Variants in ZFHX3 observed in about 807,000 individuals in gnomAD.
The protein encoded by ZFHX3 is zinc finger homeobox 3.
ZFHX3 carries 42 observed loss-of-function variants against 279.1 expected under a neutral mutation model. That is an observed-to-expected ratio of 0.15 (90% CI 0.12 to 0.19). The LOEUF (loss-of-function observed/expected upper bound fraction) is 0.19. Ranked by LOEUF, ZFHX3 falls within the 10% of genes least tolerant of loss-of-function variation. The probability of loss-of-function intolerance (pLI) is 1.00; values close to 1 mark genes in which losing one functional copy is unlikely to be tolerated. For synonymous variants in ZFHX3, 2,293 were observed against 1,957.8 expected (o/e 1.17, Z -4.52); for missense variants, 4,981 against 4,754.0 (o/e 1.05, Z -1.40).
At chr16:73,672,532 C>T (rs942244777) in intron 2 of ZFHX3, among the ~76,000 whole-genome samples, 4 of 152,054 alleles carry the variant, frequency 2.6e-5, no homozygotes, top group African/African-American at 9.7e-5. Flanking sequence ...CCCTTCCAAA[C>T]TCAGAGCCAA....
At chr16:72,966,612 G>A (rs1190344860) in intron 1 of ZFHX3, among the ~76,000 whole-genome samples, 2 of 152,200 alleles carry the variant, frequency 1.3e-5, no homozygotes, top group African/African-American at 4.8e-5. Context: ...TCTCCTAAGA[G>A]AGATACCAAC....
chr16:72,797,435 C>G lies in ZFHX3; in HGVS notation c.5247G>C (p.Gln1749His). The G allele has an allele frequency of 6.2e-7, 1 of 1,613,262 alleles. No individual in the cohort carries two copies. Among genetic ancestry groups the G allele is most frequent in the South Asian group, 1.1e-5 (1 of 90,744 alleles). The change falls in exon 9 of 10, where the codon CAG becomes CAC. Residue 1749 changes from glutamine (Q) to histidine (H), a missense_variant. Physicochemically the swap from Gln to His is conservative, Grantham distance 24. Coordinates refer to ENST00000268489, the MANE Select transcript of ZFHX3 (RefSeq NM_006885.4). ...GCTGCAGGTGAGCTTGAACTTGAGCCTGGGCCTGGGCCAGCGTTTGTGCTT... is the reference window on the plus strand; with the variant it reads ...GCTGCAGGTGAGCTTGAACTTGAGCGTGGGCCTGGGCCAGCGTTTGTGCTT... The part of the protein sequence containing the change: ...QQQAQTLAQA[Q>H]AQVQAHLQQE...
At chr16:73,516,431 C>A (rs2019523511) in intron 2 of ZFHX3, among the ~76,000 whole-genome samples, 1 of 152,132 alleles carries the variant, frequency 6.6e-6, no homozygotes, top group Non-Finnish European at 1.5e-5. Flanking sequence ...AAAGTTTATC[C>A]ACTTTACCTT....
chr16:73,038,210 C>G (rs1203149619), intron 1 of ZFHX3, among the ~76,000 whole-genome samples: 1 of 152,138 alleles, frequency 6.6e-6, no homozygotes, highest in Admixed American at 6.5e-5. Flanking sequence ...ACGGGGCCCT[C>G]GGGATATTGA....
intron 3 of ZFHX3, among the ~76,000 whole-genome samples, chr16:73,377,965 G>A (rs1355325878): frequency 2.2e-5 from 3 of 138,566 alleles, no homozygotes; most frequent in Non-Finnish European, 4.6e-5. Context: ...CCCGGGAGGC[G>A]GAGCTTGCAG....
intron 2 of ZFHX3, among the ~76,000 whole-genome samples, chr16:73,559,296 C>A (rs950119347): frequency 6.6e-6 from 1 of 152,140 alleles, no homozygotes; most frequent in African/African-American, 2.4e-5. Context: ...GATCTTCCTG[C>A]CTCGGCCTCC....
chr16:73,134,852 C>T (rs1354730153), intron 6 of ZFHX3, among the ~76,000 whole-genome samples: 1 of 152,070 alleles, frequency 6.6e-6, no homozygotes, highest in African/African-American at 2.4e-5. Flanking sequence ...TTTTAGAAGT[C>T]ATCATGTGAT....
At chr16:73,393,127 G>C (rs570954146) in intron 3 of ZFHX3, among the ~76,000 whole-genome samples, 1 of 152,176 alleles carries the variant, frequency 6.6e-6, no homozygotes, top group Non-Finnish European at 1.5e-5. Context: ...GAGCCACCAT[G>C]CCTGGCCAGG....
intron 1 of ZFHX3, among the ~76,000 whole-genome samples, chr16:72,964,949 C>G (rs989519357): frequency 1.3e-5 from 2 of 152,130 alleles, no homozygotes; most frequent in Non-Finnish European, 2.9e-5. Flanking sequence ...GCGATCTCAG[C>G]TCACTGCAAC....
At chr16:72,975,259 T>C (rs1021938949) in intron 1 of ZFHX3, among the ~76,000 whole-genome samples, 3 of 152,040 alleles carry the variant, frequency 2.0e-5, no homozygotes, top group Non-Finnish European at 2.9e-5. Context: ...CTGGCCAACA[T>C]AGTGAAACAC....
intron 4 of ZFHX3, among the ~76,000 whole-genome samples, chr16:73,277,656 A>G (rs1301265360): frequency 2.0e-5 from 3 of 152,132 alleles, no homozygotes; most frequent in African/African-American, 7.2e-5. Flanking sequence ...TTTCTGATTC[A>G]CTCATCTTTG....
intron 1 of ZFHX3, among the ~76,000 whole-genome samples, chr16:73,727,235 T>C (rs2639315): frequency 2.6e-5 from 4 of 152,138 alleles, no homozygotes; most frequent in African/African-American, 9.7e-5. Flanking sequence ...GCTGCACAAC[T>C]GGGGCCCCCC....
At chr16:73,725,933 A>C (rs1220245276) in intron 1 of ZFHX3, among the ~76,000 whole-genome samples, 1 of 152,148 alleles carries the variant, frequency 6.6e-6, no homozygotes, top group Non-Finnish European at 1.5e-5. Flanking sequence ...GGAGAATATT[A>C]AACCATTTAA....
intron 1 of ZFHX3, among the ~76,000 whole-genome samples, chr16:73,688,563 G>A (rs1015541082): frequency 2.0e-5 from 3 of 152,026 alleles, no homozygotes; most frequent in Non-Finnish European, 2.9e-5. Flanking sequence ...CAGAAAGCAG[G>A]CCCTCAACAG....
At chr16:73,770,518 T>A (rs1457161631) in intron 1 of ZFHX3, among the ~76,000 whole-genome samples, 2 of 152,228 alleles carry the variant, frequency 1.3e-5, no homozygotes, top group African/African-American at 2.4e-5. Flanking sequence ...GTCAGTTATG[T>A]GTTAATATCA....
chr16:72,800,366 T>G (rs992587517), intron 7 of ZFHX3, among the ~76,000 whole-genome samples: 1 of 152,198 alleles, frequency 6.6e-6, no homozygotes, highest in African/African-American at 2.4e-5. Context: ...ATAATCTTCT[T>G]ATTAATATTT....
At chr16:73,246,225 A>G (rs2013275551) in intron 5 of ZFHX3, among the ~76,000 whole-genome samples, 1 of 152,134 alleles carries the variant, frequency 6.6e-6, no homozygotes, top group Admixed American at 6.5e-5. Flanking sequence ...AGGCATTATG[A>G]GCCAGGAGTG....
At chr16:73,414,036 A>G (rs1043093498) in intron 3 of ZFHX3, among the ~76,000 whole-genome samples, 2 of 152,224 alleles carry the variant, frequency 1.3e-5, no homozygotes, top group Non-Finnish European at 2.9e-5. Context: ...ACAAAAGTAA[A>G]CAAAAAAACT....
chr16:72,998,498 T>C (rs1963372880), intron 1 of ZFHX3, among the ~76,000 whole-genome samples: 4 of 152,228 alleles, frequency 2.6e-5, no homozygotes. Context: ...ATTTCAAACG[T>C]AATCGATCTA....
Sources: allele counts gnomAD v4.1 joint callset (sites outside exome capture counted in the v4.1 genomes callset), GRCh38; gene constraint gnomAD v4.1.1; transcripts MANE v1.5; gene names NCBI Gene and HGNC (gene_info 2026-07-23, HGNC 2026-07-21).